CHST11: variants seen among roughly 807,000 people sequenced by gnomAD.
CHST11 encodes C4S-1.
CHST11 carries 9 observed loss-of-function variants against 30.4 expected under a neutral mutation model. The observed-to-expected ratio is 0.30, with a 90% confidence interval of 0.18 to 0.52. The LOEUF (loss-of-function observed/expected upper bound fraction) is 0.52. Among genes scored for constraint, CHST11 ranks in the 20% least tolerant of loss-of-function variants. CHST11 has a pLI of 0.97. For missense variants in CHST11, 348 were observed against 460.6 expected (o/e 0.76, Z 2.24); for synonymous variants, 152 against 187.8 (o/e 0.81, Z 1.56).
At chr12:104,744,546 TA>T (rs2040373821) in intron 2 of CHST11, among the ~76,000 whole-genome samples, 3 of 152,202 alleles carry the variant, frequency 2.0e-5, no homozygotes, top group Non-Finnish European at 2.9e-5. Flanking sequence ...CCCGTTCTGT[TA>T]TTGGTTGTCT....
chr12:104,530,817 G>A (rs561477747), intron 1 of CHST11, among the ~76,000 whole-genome samples: 1 of 152,326 alleles, frequency 6.6e-6, no homozygotes, highest in African/African-American at 2.4e-5. Context: ...AGAAGGTGGT[G>A]GAAGCCAAGT....
In CHST11 at chr12:104,457,535, G is replaced by C. The variant is rs762599237; in HGVS notation, c.118+6G>C. Reference sequence around the variant, plus strand: ...CCAAAGTATGTTGCACCCAGGTAGGGGGCGCGTTAGCGTGGTTTTGTTGGA... The same window carrying C: ...CCAAAGTATGTTGCACCCAGGTAGGCGGCGCGTTAGCGTGGTTTTGTTGGA... On this transcript the variant is annotated splice_donor_region_variant and intron_variant, in intron 1 of 2. Transcript: ENST00000303694. 1 of 1,587,160 alleles carries C rather than the reference G, an allele frequency of 6.3e-7. No individual in the cohort carries two copies. Among genetic ancestry groups the C allele is most frequent in the Middle Eastern group, 1.7e-4 (1 of 6,032 alleles).
intron 2 of CHST11, among the ~76,000 whole-genome samples, chr12:104,657,291 A>G (rs2039553790): frequency 6.6e-6 from 1 of 152,236 alleles, no homozygotes; most frequent in Non-Finnish European, 1.5e-5. Flanking sequence ...TTCACCCTAA[A>G]TGACCACTTA....
At chr12:104,665,950 G>A (rs562467846) in intron 2 of CHST11, among the ~76,000 whole-genome samples, 28 of 150,954 alleles carry the variant, frequency 1.9e-4, no homozygotes, top group African/African-American at 6.8e-4. Context: ...CTCCCGAGTA[G>A]CTGGGATTAC....
chr12:104,690,701 C>T (rs572364440), intron 2 of CHST11, among the ~76,000 whole-genome samples: 23 of 152,208 alleles, frequency 1.5e-4, no homozygotes, highest in African/African-American at 2.2e-4. Context: ...TGGGGGCATA[C>T]GCCTGTGGTC....
chr12:104,737,852 C>T (rs139808842), intron 2 of CHST11, among the ~76,000 whole-genome samples: 4 of 152,174 alleles, frequency 2.6e-5, no homozygotes, highest in East Asian at 1.9e-4. Flanking sequence ...AAAGGGAGGG[C>T]GAGGCTGTCC....
intron 2 of CHST11, among the ~76,000 whole-genome samples, chr12:104,633,768 A>G (rs2039296346): frequency 6.6e-6 from 1 of 152,076 alleles, no homozygotes; most frequent in South Asian, 2.1e-4. Flanking sequence ...GTCAGGCTTC[A>G]GAAGGGCCCT....
intron 1 of CHST11, among the ~76,000 whole-genome samples, chr12:104,506,859 T>C (rs1432126079): frequency 1.3e-5 from 2 of 152,154 alleles, no homozygotes; most frequent in African/African-American, 4.8e-5. Context: ...AGGGGACATA[T>C]ACAGCTGGCT....
At chr12:104,630,965 C>A (rs1203161902) in intron 2 of CHST11, among the ~76,000 whole-genome samples, 1 of 152,188 alleles carries the variant, frequency 6.6e-6, no homozygotes, top group Non-Finnish European at 1.5e-5. Context: ...CTCATTAACA[C>A]TAGTGAGACC....
chr12:104,457,549 G>A lies in CHST11; in HGVS notation c.118+20G>A. On this transcript the variant is annotated intron_variant, in intron 1 of 2. Transcript: ENST00000303694. ...ACCCAGGTAGGGGGCGCGTTAGCGT[G>A]GTTTTGTTGGATATTTTCTTCTCTC... 1 of 1,534,712 alleles carries A rather than the reference G, an allele frequency of 6.5e-7. No individual in the cohort carries two copies.
intron 2 of CHST11, among the ~76,000 whole-genome samples, chr12:104,754,818 CTTGG>C (rs2040461453): frequency 6.6e-6 from 1 of 152,208 alleles, no homozygotes; most frequent in African/African-American, 2.4e-5. Context: ...GGTACTCTGT[CTTGG>C]TTTGCTTCCT....
chr12:104,705,793 C>T (rs1051512750), intron 2 of CHST11, among the ~76,000 whole-genome samples: 2 of 151,858 alleles, frequency 1.3e-5, no homozygotes, highest in East Asian at 3.9e-4. Flanking sequence ...TAGTGGTATG[C>T]GCTTGTAATC....
intron 2 of CHST11, among the ~76,000 whole-genome samples, chr12:104,630,595 A>T (rs10778347): frequency 0.3 from 45,039 of 152,162 alleles, 7,522 homozygotes; most frequent in East Asian, 0.41. Context: ...GGCCTTCCCG[A>T]AAGGGAAACT....
chr12:104,759,696 A>G lies in CHST11; in HGVS notation c.*1893A>G, dbSNP rs2040508482. 2 of 152,214 alleles carry G rather than the reference A, an allele frequency of 1.3e-5. No individual in the cohort carries two copies. The highest frequency in any genetic ancestry group is 3.8e-4 in the East Asian group (2 of 5,200). The allele number at this position is 152,214 out of a possible 1,614,324, so 9.4% of individuals were successfully genotyped here. ...GAGTGAGATGTGGGCCGGAGAAGGT[A>G]GCTGAAGCTATTTATAAAACGTTGT... On this transcript the variant is annotated 3_prime_UTR_variant, in exon 3 of 3. Coordinates refer to ENST00000303694, the MANE Select transcript of CHST11 (RefSeq NM_018413.6).
chr12:104,755,285 C>T lies in CHST11; in HGVS notation c.205-1664C>T, dbSNP rs529656512. 1.3e-3 allele frequency among the ~76,000 whole-genome samples: 198 copies of T among 152,322 alleles called. 1 individual carries two copies. Among genetic ancestry groups the T allele is most frequent in the African/African-American group, 4.4e-3 (183 of 41,556 alleles). On this transcript the variant is annotated intron_variant, in intron 2 of 2. Transcript: ENST00000303694. ...CGGATACAGCTGCATTCTCAGGACT[C>T]AAAGCCACCCACAGTCTGGCCTGGA...
intron 2 of CHST11, among the ~76,000 whole-genome samples, chr12:104,733,029 G>T (rs970476772): frequency 2.6e-5 from 4 of 152,248 alleles, no homozygotes; most frequent in African/African-American, 7.2e-5. Flanking sequence ...GGTATGACCA[G>T]CCCTATGAGA....
chr12:104,467,167 G>A (rs2037467653), intron 1 of CHST11, among the ~76,000 whole-genome samples: 3 of 152,098 alleles, frequency 2.0e-5, no homozygotes, highest in African/African-American at 7.2e-5. Context: ...TTATTGAGGT[G>A]GTCACTCCAG....
At chr12:104,644,005 C>T (rs2039402769) in intron 2 of CHST11, among the ~76,000 whole-genome samples, 1 of 152,200 alleles carries the variant, frequency 6.6e-6, no homozygotes, top group South Asian at 2.1e-4. Flanking sequence ...TTAGGTCTCT[C>T]TGCCTTTGCT....
At chr12:104,602,121 G>T (rs1383281167) in intron 2 of CHST11, 130 bp downstream of exon 2, 4 of 665,494 alleles carry the variant, frequency 6.0e-6, no homozygotes, top group Non-Finnish European at 2.6e-6. Flanking sequence ...ACCTTCAGTG[G>T]TTGCTTTCTC....
Sources: gnomAD v4.1 joint callset for allele counts (sites outside exome capture counted in the v4.1 genomes callset) on GRCh38, gnomAD v4.1.1 for gene constraint, MANE v1.5 for transcripts, NCBI Gene and HGNC (gene_info 2026-07-23, HGNC 2026-07-21) for gene names.